Variants in FLRT1 observed in about 807,000 individuals in gnomAD.
FLRT1 encodes the protein leucine-rich repeat transmembrane protein FLRT1.
Under a neutral mutation model 30.9 loss-of-function variants are expected in FLRT1, and 14 were observed. The observed-to-expected ratio is 0.45, with a 90% CI of 0.30 to 0.71. The LOEUF (loss-of-function observed/expected upper bound fraction) is 0.71, where lower values mean the gene tolerates loss of function less well. FLRT1 is among the 30% of genes least tolerant of loss of function. FLRT1 has a pLI of 0.08. For missense variants in FLRT1, 737 were observed against 949.2 expected, an observed-to-expected ratio of 0.78 and a Z score of 2.94; for synonymous variants, 368 against 430.4, an observed-to-expected ratio of 0.85 and a Z score of 1.80.
At position 64,104,036 on chromosome 11, in the gene FLRT1, AG is replaced by A. The variant is rs1362425365; in HGVS notation, c.-193del. On this transcript the variant is annotated 5_prime_UTR_variant, in exon 2 of 3. Transcript: ENST00000682287. ...TGAGGTCTGCGTCCCTAGTGGTGCA[AG>A]GCCTGGTAGGACCACGGGGCAGGGA... 1.3e-5 allele frequency: 2 copies of A among 152,292 alleles called. No homozygotes were observed. The highest frequency in any genetic ancestry group is 4.8e-5 in the African/African-American group (2 of 41,416). The allele number at this position is 152,292 out of a possible 1,614,324, so 9.4% of individuals were successfully genotyped here.
intron 1 of FLRT1, among the ~76,000 whole-genome samples, chr11:64,065,523 C>T (rs554199532): frequency 3.9e-5 from 6 of 152,172 alleles, no homozygotes; most frequent in Non-Finnish European, 5.9e-5. Flanking sequence ...GGCGCGGTGG[C>T]TCATGCCTGT....
In FLRT1 at chr11:64,118,406, C is replaced by A; in HGVS notation, c.*114C>A. On this transcript the variant is annotated 3_prime_UTR_variant, in exon 3 of 3. Coordinates refer to ENST00000682287, the MANE Select transcript of FLRT1 (RefSeq NM_013280.5). Reference sequence around the variant, plus strand: ...CAAGGAAGAGAAATTCCATGGGTGACTTTCCTCCGCAGAAAGCAAAGTTTG... The same window carrying A: ...CAAGGAAGAGAAATTCCATGGGTGAATTTCCTCCGCAGAAAGCAAAGTTTG... 7.7e-7 allele frequency: 1 copy of A among 1,299,480 alleles called. No homozygotes were observed. Among genetic ancestry groups the A allele is most frequent in the Non-Finnish European group, 1.0e-6 (1 of 987,578 alleles). 80.5% of individuals were successfully genotyped at this position (1,299,480 alleles called of 1,614,324 possible).
chr11:64,068,448 G>C (rs974562173), intron 1 of FLRT1, among the ~76,000 whole-genome samples: 3 of 152,230 alleles, frequency 2.0e-5, no homozygotes, highest in Admixed American at 1.3e-4. Flanking sequence ...AGGAATAAAA[G>C]AGTCTGGGCA....
In FLRT1 at chr11:64,116,257, A is replaced by C. The variant is rs1944977603; in HGVS notation, c.-11A>C. On this transcript the variant is annotated 5_prime_UTR_variant, in exon 3 of 3. Transcript: ENST00000682287. Reference sequence around the variant, plus strand: ...AGGCCAGGTGGGGCCGGACGCCCCCAGCCATCCACCATGGTGGTGGCACAC... The same window carrying C: ...AGGCCAGGTGGGGCCGGACGCCCCCCGCCATCCACCATGGTGGTGGCACAC... The C allele has an allele frequency of 3.8e-6, 6 of 1,591,116 alleles. No individual in the cohort carries two copies. The South Asian group carries it at 6.7e-5, about 18-fold the overall frequency.
chr11:64,118,477 T>A lies in FLRT1; in HGVS notation c.*185T>A, dbSNP rs1052534731. The A allele has an allele frequency of 1.2e-5, 7 of 570,202 alleles. No individual in the cohort carries two copies. Among genetic ancestry groups the A allele is most frequent in the African/African-American group, 5.6e-5 (3 of 53,230 alleles). The allele number at this position is 570,202 out of a possible 1,614,324, so 35.3% of individuals were successfully genotyped here. ...AGAACACAACAGTGACAATTTTTTTTAAAAGAATAGAAGGCAGGAGGGGGA... is the reference window on the plus strand; with the variant it reads ...AGAACACAACAGTGACAATTTTTTTAAAAAGAATAGAAGGCAGGAGGGGGA... On this transcript the variant is annotated 3_prime_UTR_variant, in exon 3 of 3. Coordinates refer to ENST00000682287, the MANE Select transcript of FLRT1 (RefSeq NM_013280.5).
intron 1 of FLRT1, among the ~76,000 whole-genome samples, chr11:64,046,713 G>A (rs971262133): frequency 2.1e-5 from 3 of 141,814 alleles, no homozygotes; most frequent in African/African-American, 2.6e-5. Context: ...TGGTCAGGCT[G>A]GCCTTGAACT....
At chr11:64,084,076 C>A (rs569878329) in intron 1 of FLRT1, among the ~76,000 whole-genome samples, 36 of 152,270 alleles carry the variant, frequency 2.4e-4, no homozygotes, top group African/African-American at 8.4e-4. Flanking sequence ...ATAGTGTGTC[C>A]CTGCCATCCT....
intron 1 of FLRT1, among the ~76,000 whole-genome samples, chr11:64,086,543 G>C (rs1944398315): frequency 6.6e-6 from 1 of 152,034 alleles, no homozygotes; most frequent in Non-Finnish European, 1.5e-5. Flanking sequence ...GTTGTCTCAG[G>C]ACAGCCACAA....
In FLRT1 at chr11:64,090,293, G is replaced by A. The variant is rs574612514; in HGVS notation, c.-1037-12901G>A. ...AAATGCATCGTGCGTTGCTTTTCCC[G>A]TCTGGGAGTCTAATAGTCAGCAGTT... On this transcript the variant is annotated intron_variant, in intron 1 of 2. Coordinates refer to ENST00000682287, the MANE Select transcript of FLRT1 (RefSeq NM_013280.5). The surrounding 1 kb of genome is among the most constrained non-coding windows in gnomAD (Gnocchi z 4.7). 6.6e-6 allele frequency among the ~76,000 whole-genome samples: 1 copy of A among 152,300 alleles called. No homozygotes were observed. The highest frequency in any genetic ancestry group is 2.1e-4 in the South Asian group (1 of 4,830).
chr11:64,050,512 C>A (rs901904953), intron 1 of FLRT1, among the ~76,000 whole-genome samples: 3 of 152,202 alleles, frequency 2.0e-5, no homozygotes, highest in African/African-American at 7.2e-5. Context: ...GCCCCCATAC[C>A]CTCTATTGCT....
At chr11:64,114,514 T>C (rs1254257749) in intron 2 of FLRT1, among the ~76,000 whole-genome samples, 1 of 148,416 alleles carries the variant, frequency 6.7e-6, no homozygotes. Context: ...GATGAATGGA[T>C]GGATGGATGG....
intron 1 of FLRT1, among the ~76,000 whole-genome samples, chr11:64,051,393 C>T (rs751384142): frequency 7.2e-5 from 11 of 152,152 alleles, no homozygotes; most frequent in Admixed American, 2.6e-4. Flanking sequence ...GGGACTCTGG[C>T]GGCTTGGCCT....
intron 1 of FLRT1, among the ~76,000 whole-genome samples, chr11:64,079,258 CAG>C (rs1302522670): frequency 6.6e-6 from 1 of 151,942 alleles, no homozygotes; most frequent in Non-Finnish European, 1.5e-5. Context: ...TGAGGGGTCA[CAG>C]GGGCTCCCAC....
intron 1 of FLRT1, among the ~76,000 whole-genome samples, chr11:64,055,992 C>G (rs922922075): frequency 3.3e-5 from 5 of 152,194 alleles, no homozygotes; most frequent in Admixed American, 6.5e-5. Flanking sequence ...GCTGTCGGTC[C>G]TCTGGGCCTC....
At position 64,117,003 on chromosome 11, in the gene FLRT1, C is replaced by T. The variant is rs756527574; in HGVS notation, c.736C>T (p.Arg246Cys). The change falls in exon 3 of 3, where the codon CGC becomes TGC. Residue 246 changes from arginine to cysteine, a missense_variant. Coordinates refer to ENST00000682287, the MANE Select transcript of FLRT1 (RefSeq NM_013280.5). ...GCGCATCGCCGACGACACCTTCAGC[C>T]GCCTACAGAACCTCACAGAGCTCTC... Reference protein sequence around the residue: ...NQRIADDTFSRLQNLTELSLV... With the variant: ...NQRIADDTFSCLQNLTELSLV... 60 of 1,612,572 alleles carry T rather than the reference C, an allele frequency of 3.7e-5. No individual in the cohort carries two copies. Among genetic ancestry groups the T allele is most frequent in the Admixed American group, 5.0e-5 (3 of 59,932 alleles).
At chr11:64,086,383 C>A (rs917623040) in intron 1 of FLRT1, among the ~76,000 whole-genome samples, 1 of 152,052 alleles carries the variant, frequency 6.6e-6, no homozygotes, top group Admixed American at 6.5e-5. Flanking sequence ...CTTGTGACTA[C>A]CCCCGAGCTC....
chr11:64,117,506 G>A lies in FLRT1; in HGVS notation c.1239G>A (p.Lys413=). 6.2e-7 allele frequency: 1 copy of A among 1,609,062 alleles called. No homozygotes were observed. The highest frequency in any genetic ancestry group is 8.5e-7 in the Non-Finnish European group (1 of 1,176,764). ...CCCAGGGTTCCCTGTTTACCCTCAA[G>A]GCCAAAAGGCCAGGGCTGCGCCTCC... The part of the protein sequence containing the change: ...TTPQGSLFTL[K]AKRPGLRLPD... The change falls in exon 3 of 3, where the codon AAG becomes AAA. Residue 413 remains lysine (K), a synonymous_variant. Transcript: ENST00000682287.
At chr11:64,074,451 C>G (rs886426990) in intron 1 of FLRT1, among the ~76,000 whole-genome samples, 3 of 152,192 alleles carry the variant, frequency 2.0e-5, no homozygotes, top group African/African-American at 7.2e-5. Flanking sequence ...ACCCTAGGAA[C>G]AGCCGTGGGA....
intron 1 of FLRT1, among the ~76,000 whole-genome samples, chr11:64,044,598 G>A (rs1833506591): frequency 6.6e-6 from 1 of 152,174 alleles, no homozygotes; most frequent in South Asian, 2.1e-4. Context: ...GGGGTAAACT[G>A]AGGCACTGAG....
Sources: gnomAD v4.1 joint callset for allele counts (sites outside exome capture counted in the v4.1 genomes callset) on GRCh38, gnomAD v4.1.1 for gene constraint, Gnocchi (gnomAD v3.1) non-coding constraint, MANE v1.5 for transcripts, NCBI Gene and HGNC (gene_info 2026-07-23, HGNC 2026-07-21) for gene names.